CLUH: variants seen among roughly 807,000 people sequenced by gnomAD.
CLUH encodes the protein CLUH binding protein of NUMT mRNA.
In CLUH, 77 loss-of-function variants were observed where a neutral mutation model predicts 139.3. The ratio of observed to expected loss-of-function variants is 0.55; its 90% CI spans 0.46 to 0.67. The LOEUF is 0.67. Ranked by LOEUF, CLUH falls within the 30% of genes least tolerant of loss-of-function variation. The probability of loss-of-function intolerance (pLI) is 0.00; values close to 1 mark genes in which losing one functional copy is unlikely to be tolerated. For missense variants in CLUH, 1,876 were observed against 1,875.8 expected (o/e 1.00, Z 0.00); for synonymous variants, 999 against 801.6 (o/e 1.25, Z -4.16).
chr17:2,692,494 C>T lies in CLUH; in HGVS notation c.3439-12G>A, dbSNP rs895044418. On this transcript the variant is annotated splice_polypyrimidine_tract_variant and intron_variant, in intron 21 of 25. Transcript: ENST00000651024. ...AGCCCGATGTTGTTCTGGGGGCAGG[C>T]GGTGGGGGGCCCTGGTCAGCTCCCG... is the stretch of plus-strand genomic sequence containing the variant. The T allele has an allele frequency of 6.3e-7, 1 of 1,596,142 alleles. No homozygotes were observed. The highest frequency in any genetic ancestry group is 8.5e-7 in the Non-Finnish European group (1 of 1,174,592).
chr17:2,694,822 T>TCCCCCCCCCCCCCCCCCCCCCCGCC, intron 16 of CLUH, 35 bp downstream of exon 16: 1 of 1,346,338 alleles, frequency 7.4e-7, no homozygotes, highest in Non-Finnish European at 1.0e-6. Flanking sequence ...ATCTGCCCAA[T>TCCCCCCCCCCCCCCCCCCCCCCGCC]CCCACCCACC....
At chr17:2,708,568 C>T (rs568836472) in intron 1 of CLUH, among the ~76,000 whole-genome samples, 1 of 152,062 alleles carries the variant, frequency 6.6e-6, no homozygotes, top group East Asian at 1.9e-4. Flanking sequence ...AGGAGCCAAC[C>T]CAGAGCAAGA....
rs1174918205 is a variant in CLUH, at chr17:2,703,390, C to T, written c.403G>A (p.Val135Met). 4.3e-6 allele frequency: 7 copies of T among 1,613,508 alleles called. No individual in the cohort carries two copies. The highest frequency in any genetic ancestry group is 2.7e-5 in the African/African-American group (2 of 74,914). Reference protein sequence around the residue: ...TCFSLHLDGNVLDHFSELRSV... With the variant: ...TCFSLHLDGNMLDHFSELRSV... ...CGCAGCTCCGAGAAGTGGTCCAGCACGTTGCCATCCAGGTGCAGTGAGAAG... is the reference window on the plus strand; with the variant it reads ...CGCAGCTCCGAGAAGTGGTCCAGCATGTTGCCATCCAGGTGCAGTGAGAAG... The change falls in exon 3 of 26, where the codon GTG (valine) becomes ATG (methionine). Residue 135 changes from valine to methionine, a missense_variant. Coordinates refer to ENST00000651024, the MANE Select transcript of CLUH (RefSeq NM_001366661.1). This position sits in a 1 kb window ranked among gnomAD's most constrained non-coding sequence, Gnocchi z 4.2.
At chr17:2,708,921 GCCAA>G (rs2070432423) in intron 1 of CLUH, among the ~76,000 whole-genome samples, 1 of 151,506 alleles carries the variant, frequency 6.6e-6, no homozygotes, top group Admixed American at 6.6e-5. Flanking sequence ...ACACCCTTGG[GCCAA>G]TACTCCCTCC....
At chr17:2,694,651 C>A (rs1277172031) in intron 16 of CLUH, 87 bp from the exon 17 acceptor site, 46 of 1,398,782 alleles carry the variant, frequency 3.3e-5, no homozygotes, top group Non-Finnish European at 4.4e-5. Flanking sequence ...CGCTGTCCAG[C>A]CCGGGCCCCC....
At chr17:2,700,297 C>A in intron 9 of CLUH, 85 bp downstream of exon 9, 1 of 1,320,128 alleles carries the variant, frequency 7.6e-7, no homozygotes, top group South Asian at 1.3e-5. Context: ...CCCCTGCCTC[C>A]CTTGCTTTCC....
Position 2,690,775 on chromosome 17 carries a change from T to C in CLUH, c.3866A>G (p.Gln1289Arg), listed in dbSNP as rs1486492354. 2 of 1,506,584 alleles carry C rather than the reference T, an allele frequency of 1.3e-6. No individual in the cohort carries two copies. Among genetic ancestry groups the C allele is most frequent in the East Asian group, 2.5e-5 (1 of 40,498 alleles). The allele number at this position is 1,506,584 out of a possible 1,614,324, so 93.3% of individuals were successfully genotyped here. ...INGILFIPLS[Q>R]KDLENLKAEV... is the part of the protein sequence containing the mutation. Reference sequence around the variant, plus strand: ...GGCTTTCAGATTCTCCAGGTCTTTTTGGCTGAGGATAAGGGTGGGGATGGA... The same window carrying C: ...GGCTTTCAGATTCTCCAGGTCTTTTCGGCTGAGGATAAGGGTGGGGATGGA... The change falls in exon 26 of 26, where the codon CAA (glutamine) becomes CGA (arginine). Residue 1289 changes from glutamine (Q) to arginine (R), a missense_variant and splice_region_variant. Physicochemically the swap from Gln to Arg is conservative, Grantham distance 43 (BLOSUM62 1). Around this residue, in one of 3 missense-constraint regions of CLUH, gnomAD observed 1,454 missense variants for 1,384.4 expected, o/e 1.05. Transcript: ENST00000651024.
chr17:2,692,238 G>A, intron 22 of CLUH, 123 bp downstream of exon 22: 7 of 1,435,850 alleles, frequency 4.9e-6, no homozygotes, highest in Non-Finnish European at 6.5e-6. Context: ...TCAGGGAAGA[G>A]GGGGAGGTCG....
intron 1 of CLUH, among the ~76,000 whole-genome samples, chr17:2,705,808 C>T (rs550722122): frequency 2.6e-5 from 4 of 152,346 alleles, no homozygotes; most frequent in African/African-American, 4.8e-5. Flanking sequence ...AATCCACATG[C>T]TCCAGGGTGG....
chr17:2,699,759 G>C (rs1270220378), intron 9 of CLUH, among the ~76,000 whole-genome samples: 2 of 152,044 alleles, frequency 1.3e-5, no homozygotes, highest in Non-Finnish European at 2.9e-5. Context: ...AGACTCCCGA[G>C]TAGCTGGGAC....
chr17:2,691,419 G>A lies in CLUH; in HGVS notation c.3863+190C>T, dbSNP rs573196811. 66 of 593,182 alleles carry A rather than the reference G, an allele frequency of 1.1e-4. 2 individuals carry two copies. Among genetic ancestry groups the A allele is most frequent in the South Asian group, 9.8e-4 (51 of 52,294 alleles). The allele number at this position is 593,182 out of a possible 1,614,324, so 36.7% of individuals were successfully genotyped here. A position where few individuals can be genotyped will look rare whatever the true frequency, so the allele number is the denominator to read the frequency against. On this transcript the variant is annotated intron_variant, in intron 25 of 25. Transcript: ENST00000651024. ...TCTACTACAAACACAAAAATGAGCCGGGCGAGGTGGCGGACACCTGTAATC... is the reference window on the plus strand; with the variant it reads ...TCTACTACAAACACAAAAATGAGCCAGGCGAGGTGGCGGACACCTGTAATC...
intron 10 of CLUH, among the ~76,000 whole-genome samples, chr17:2,697,600 C>T (rs182755652): frequency 6.6e-4 from 101 of 152,308 alleles, no homozygotes; most frequent in South Asian, 1.2e-3. Flanking sequence ...CCCACCTGCC[C>T]GCCCCAGCAC....
intron 8 of CLUH, 56 bp downstream of exon 8, chr17:2,700,622 C>T: frequency 1.3e-6 from 2 of 1,522,508 alleles, no homozygotes; most frequent in South Asian, 2.6e-5. Flanking sequence ...ACGGAACCAG[C>T]CCAGCACCCA....
At chr17:2,693,773 T>G (rs896886176) in intron 19 of CLUH, 127 bp downstream of exon 19, 2 of 1,208,500 alleles carry the variant, frequency 1.7e-6, no homozygotes, top group Non-Finnish European at 2.3e-6. Flanking sequence ...GAGCCAGGGG[T>G]GGCCTGGGCA....
chr17:2,695,131 G>C (rs1160053624), intron 15 of CLUH, 30 bp from the exon 16 acceptor site: 3 of 1,612,458 alleles, frequency 1.9e-6, no homozygotes, highest in Non-Finnish European at 2.5e-6. Context: ...CGAGTCATGA[G>C]GGCCCTCAGC....
At chr17:2,705,726 C>T (rs912676833) in intron 1 of CLUH, among the ~76,000 whole-genome samples, 5 of 152,044 alleles carry the variant, frequency 3.3e-5, no homozygotes, top group African/African-American at 4.8e-5. Context: ...TGCCCAGGCT[C>T]AACAAAAAAG....
intron 25 of CLUH, among the ~76,000 whole-genome samples, chr17:2,691,192 TG>T (rs2069612469): frequency 6.6e-6 from 1 of 151,856 alleles, no homozygotes; most frequent in African/African-American, 2.4e-5. Flanking sequence ...TAGGGACTGG[TG>T]GGAAAACGCC....
At chr17:2,696,389 TCTGGCCCTGGAGGGCTCCTGCG>T (rs1407223393) in intron 12 of CLUH, 23 bp downstream of exon 12, 1 of 1,535,128 alleles carries the variant, frequency 6.5e-7, no homozygotes, top group Admixed American at 1.9e-5. Context: ...CCAGCGAAGC[TCTGGCCCTGGAGGGCTCCTGCG>T]CTGGCCGGCC....
At position 2,700,470 on chromosome 17, in the gene CLUH, C is replaced by T. The variant is rs1232072166; in HGVS notation, c.1178G>A (p.Arg393Gln). The T allele has an allele frequency of 1.2e-6, 2 of 1,611,450 alleles. No homozygotes were observed. Among genetic ancestry groups the T allele is most frequent in the South Asian group, 1.1e-5 (1 of 90,680 alleles). ...CGTCTGCAGCTCCTCATTCCAGTCT[C>T]GGGTCTGCAGAGAGATCAGGGAGGG... is the stretch of plus-strand genomic sequence containing the variant. Reference protein sequence around the residue: ...GYEEHIPGQTRDWNEELQTTR... With the variant: ...GYEEHIPGQTQDWNEELQTTR... Residue 393 changes from arginine (R) to glutamine (Q), a missense_variant, in exon 9 of 26, where the codon CGA becomes CAA. By Grantham distance (43) the Arg-to-Gln change is conservative. Coordinates refer to ENST00000651024, the MANE Select transcript of CLUH (RefSeq NM_001366661.1).
Sources: gnomAD v4.1 joint callset for allele counts (sites outside exome capture counted in the v4.1 genomes callset) on GRCh38, gnomAD v4.1.1 for gene constraint, gnomAD v4.1.1 regional missense constraint, Gnocchi (gnomAD v3.1) non-coding constraint, MANE v1.5 for transcripts, NCBI Gene and HGNC (gene_info 2026-07-23, HGNC 2026-07-21) for gene names.